Variants in SLC35A3 observed in about 807,000 individuals in gnomAD.
SLC35A3 encodes UDP-N-acetylglucosamine transporter.
Under a neutral mutation model 39.0 loss-of-function variants are expected in SLC35A3, and 26 were observed. That is an observed-to-expected ratio of 0.67 (90% CI 0.49 to 0.92). SLC35A3 has a LOEUF of 0.92. SLC35A3 is among the 40% of genes least tolerant of loss of function. The probability of loss-of-function intolerance (pLI) is 0.00; values close to 1 mark genes in which losing one functional copy is unlikely to be tolerated. For synonymous variants in SLC35A3, 135 were observed against 133.1 expected (o/e 1.01, Z -0.10); for missense variants, 299 against 371.6 (o/e 0.80, Z 1.61).
intron 5 of SLC35A3, among the ~76,000 whole-genome samples, chr1:100,012,227 T>C (rs1659717252): frequency 6.6e-6 from 1 of 151,994 alleles, no homozygotes; most frequent in Non-Finnish European, 1.5e-5. Flanking sequence ...GAGGTTGCAG[T>C]GAGCCAAGAA....
rs771368846 is a variant in SLC35A3 at position 100,022,389 on chromosome 1, CT to C, written c.896del (p.Phe299SerfsTer7). The C allele has an allele frequency of 9.6e-6, 15 of 1,557,648 alleles. No homozygotes were observed. The highest frequency in any genetic ancestry group is 6.8e-5 in the East Asian group (3 of 44,250). On this transcript the variant is annotated frameshift_variant, in exon 8 of 8. Coordinates refer to ENST00000533028, the MANE Select transcript of SLC35A3 (RefSeq NM_012243.3). LOFTEE classifies it high-confidence loss of function. ...WLQDFVPTSV[F>X]FLGAILVITA... ...ATTTTGTCTTCATCTTATTCAGTGTCTTTTTCCTTGGAGCCATCCTTGTAAT... is the reference window on the plus strand; with the variant it reads ...ATTTTGTCTTCATCTTATTCAGTGTCTTTTCCTTGGAGCCATCCTTGTAAT...
rs533974788 is a variant in SLC35A3 at position 99,998,204 on chromosome 1, A to C, written c.188-1057A>C. On this transcript the variant is annotated intron_variant, in intron 2 of 7. Transcript: ENST00000533028. ...GGATCTTGTTCTTTTGCTCAGGCTGAAGTGCAGTTATGCAATCATAGCTTG... is the reference window on the plus strand; with the variant it reads ...GGATCTTGTTCTTTTGCTCAGGCTGCAGTGCAGTTATGCAATCATAGCTTG... Among the ~76,000 whole-genome samples the C allele has an allele frequency of 9.1e-4, 135 of 148,506 alleles. 1 individual carries two copies. The highest frequency in any genetic ancestry group is 3.1e-3 in the African/African-American group (124 of 39,902).
At chr1:99,993,291 T>C (rs1441025714) in intron 1 of SLC35A3, among the ~76,000 whole-genome samples, 1 of 152,140 alleles carries the variant, frequency 6.6e-6, no homozygotes, top group Non-Finnish European at 1.5e-5. Context: ...CCTTTCAGAG[T>C]CTTCTGGTAG....
rs371935609 is a variant in SLC35A3, at chr1:100,017,778, A to G, written c.850A>G (p.Ile284Val). 1 of 1,576,582 alleles carries G rather than the reference A, an allele frequency of 6.3e-7. No homozygotes were observed. The highest frequency in any genetic ancestry group is 8.6e-7 in the Non-Finnish European group (1 of 1,164,956). Reference sequence around the variant, plus strand: ...TTTATCGATAATATTATCAACATTGATCTCCTATTTTTGGCTTCAAGATTT... The same window carrying G: ...TTTATCGATAATATTATCAACATTGGTCTCCTATTTTTGGCTTCAAGATTT... ...TSLSIILSTL[I>V]SYFWLQDFVP... Residue 284 changes from isoleucine (I) to valine (V), a missense_variant, in exon 7 of 8, where the codon ATC becomes GTC. Transcript: ENST00000533028.
intron 1 of SLC35A3, among the ~76,000 whole-genome samples, chr1:99,986,612 G>A (rs1317775643): frequency 6.6e-6 from 1 of 151,618 alleles, no homozygotes; most frequent in African/African-American, 2.4e-5. Context: ...TTTTGAGACA[G>A]GGCCTCTCTT....
At chr1:99,974,356 G>A (rs2101019543) in intron 1 of SLC35A3, among the ~76,000 whole-genome samples, 1 of 152,252 alleles carries the variant, frequency 6.6e-6, no homozygotes, top group East Asian at 1.9e-4. Context: ...TTATAGATAA[G>A]GGAAAGGAGG....
At chr1:99,989,637 G>A (rs377537744) in intron 1 of SLC35A3, among the ~76,000 whole-genome samples, 6 of 152,158 alleles carry the variant, frequency 3.9e-5, no homozygotes, top group African/African-American at 1.4e-4. Flanking sequence ...TTGATTTATT[G>A]TATTATTAAA....
chr1:100,030,148 T>G lies in SLC35A3; in HGVS notation c.*7672T>G, dbSNP rs1184117422. On this transcript the variant is annotated 3_prime_UTR_variant, in exon 8 of 8. Coordinates refer to ENST00000533028, the MANE Select transcript of SLC35A3 (RefSeq NM_012243.3). ...CTCCCTTGGACCTGAGAATCAGGTG[T>G]TTTTCGTTTAATGCATTTATTTTCA... 6.6e-6 allele frequency: 1 copy of G among 152,198 alleles called. No homozygotes were observed. The highest frequency in any genetic ancestry group is 1.5e-5 in the Non-Finnish European group (1 of 68,036). 9.4% of individuals were successfully genotyped at this position (152,198 alleles called of 1,614,324 possible).
intron 6 of SLC35A3, chr1:100,015,757 A>G (rs61007908): frequency 0.022 from 5,566 of 250,710 alleles, 306 homozygotes; most frequent in African/African-American, 0.11. Flanking sequence ...ATTAAGACCC[A>G]GGAAGCAGAT....
At position 100,032,416 on chromosome 1, in the gene SLC35A3, C is replaced by T. The variant is rs181974491; in HGVS notation, c.*9940C>T. 1 of 152,026 alleles carries T rather than the reference C, an allele frequency of 6.6e-6. No individual in the cohort carries two copies. Among genetic ancestry groups the T allele is most frequent in the Admixed American group, 6.5e-5 (1 of 15,268 alleles). 9.4% of individuals were successfully genotyped at this position (152,026 alleles called of 1,614,324 possible). ...TCCCTCCTGTTTCTCTAATATCCCT[C>T]TTTAAAAAAAAGACCATGTCTTCAT... On this transcript the variant is annotated 3_prime_UTR_variant, in exon 8 of 8. Transcript: ENST00000533028.
In SLC35A3 at chr1:100,017,666, T is replaced by G; in HGVS notation, c.754-16T>G. 2.0e-6 allele frequency: 3 copies of G among 1,483,364 alleles called. No homozygotes were observed. In the South Asian group the frequency reaches 4.0e-5, roughly 20 times the overall value. 91.9% of individuals were successfully genotyped at this position (1,483,364 alleles called of 1,614,324 possible). On this transcript the variant is annotated splice_polypyrimidine_tract_variant and intron_variant, in intron 6 of 7. Transcript: ENST00000533028. The stretch of plus-strand genomic sequence containing the variant: ...TTTACATGTGTGTTTTAAAAAATAT[T>G]TTTTTAAAACTTCAGGCACTTGGAG...
chr1:100,015,157 CAAAAAAAA>C (rs760381564), intron 5 of SLC35A3, 137 bp from the exon 6 acceptor site: 11 of 454,644 alleles, frequency 2.4e-5, no homozygotes, highest in African/African-American at 9.9e-5. Flanking sequence ...GACTCCGTCT[CAAAAAAAA>C]AAAAAAAAAA....
At chr1:99,996,283 A>G (rs939306461) in intron 2 of SLC35A3, among the ~76,000 whole-genome samples, 20 of 152,342 alleles carry the variant, frequency 1.3e-4, no homozygotes, top group African/African-American at 4.6e-4. Flanking sequence ...GTCACAAATT[A>G]AGAGAAGATA....
chr1:99,978,358 T>TA lies in SLC35A3; in HGVS notation c.-19+8205dup, dbSNP rs750186150. Among the ~76,000 whole-genome samples the TA allele has an allele frequency of 2.0e-5, 3 of 151,300 alleles. No individual in the cohort carries two copies. In the South Asian group the frequency reaches 6.3e-4, roughly 32 times the overall value. ...CACAGGGAGACCCCATCTTTACAGA[T>TA]AAAAAAAAATTTAAAAAATTTAGCT... is the stretch of plus-strand genomic sequence containing the variant. On this transcript the variant is annotated intron_variant, in intron 1 of 7. Transcript: ENST00000533028.
intron 1 of SLC35A3, among the ~76,000 whole-genome samples, chr1:99,993,321 C>T (rs1400089128): frequency 1.3e-5 from 2 of 151,996 alleles, no homozygotes; most frequent in Admixed American, 1.3e-4. Context: ...GTTTCCAATT[C>T]AAGGTTTTTG....
At chr1:100,002,461 T>C (rs1658877050) in intron 3 of SLC35A3, among the ~76,000 whole-genome samples, 1 of 152,194 alleles carries the variant, frequency 6.6e-6, no homozygotes, top group Non-Finnish European at 1.5e-5. Flanking sequence ...CTTTTTTGTT[T>C]ATGATTTTAT....
At chr1:100,016,418 G>T (rs1660126572) in intron 6 of SLC35A3, among the ~76,000 whole-genome samples, 1 of 140,366 alleles carries the variant, frequency 7.1e-6, no homozygotes, top group East Asian at 2.1e-4. Flanking sequence ...CTGTTGCCCA[G>T]GCTGGAGTGC....
intron 4 of SLC35A3, chr1:100,007,588 G>T (rs1348739972): frequency 6.6e-6 from 1 of 151,384 alleles, no homozygotes; most frequent in Non-Finnish European, 1.5e-5. Flanking sequence ...TTAAATACTG[G>T]GGTTGCTTGC....
chr1:100,009,423 T>C (rs1032318866), intron 4 of SLC35A3: 58 of 152,300 alleles, frequency 3.8e-4, no homozygotes, highest in African/African-American at 1.3e-3. Context: ...TTGACAAAGA[T>C]ATGGCGAGAG....
Sources: gnomAD v4.1 joint callset for allele counts (sites outside exome capture counted in the v4.1 genomes callset) on GRCh38, gnomAD v4.1.1 for gene constraint, MANE v1.5 for transcripts, NCBI Gene and HGNC (gene_info 2026-07-23, HGNC 2026-07-21) for gene names.